Variants in CARM1 observed in about 807,000 individuals in gnomAD.
CARM1 encodes histone-arginine methyltransferase CARM1.
A neutral mutation model predicts 72.7 loss-of-function variants in CARM1; 14 were observed. The observed-to-expected ratio is 0.19, with a 90% CI of 0.13 to 0.30. CARM1 has a LOEUF of 0.30. Ranked by LOEUF, CARM1 falls within the 10% of genes least tolerant of loss-of-function variation. The pLI is 1.00. For synonymous variants in CARM1, 333 were observed against 345.5 expected (o/e 0.96, Z 0.40); for missense variants, 432 against 833.7 (o/e 0.52, Z 5.93).
intron 1 of CARM1, among the ~76,000 whole-genome samples, chr19:10,875,015 C>A (rs1453723927): frequency 1.3e-5 from 2 of 150,224 alleles, no homozygotes; most frequent in African/African-American, 2.5e-5. Flanking sequence ...CAGAGCAAGA[C>A]CCTGTCTGAA....
chr19:10,873,391 C>G (rs974167876), intron 1 of CARM1, among the ~76,000 whole-genome samples: 6 of 151,632 alleles, frequency 4.0e-5, no homozygotes. Flanking sequence ...GTCAGGAGTT[C>G]GAGACCAGCC....
chr19:10,886,604 G>A (rs1455864228), intron 1 of CARM1, among the ~76,000 whole-genome samples: 1 of 151,886 alleles, frequency 6.6e-6, no homozygotes, highest in Non-Finnish European at 1.5e-5. Context: ...GAGGCAGGTG[G>A]ATCACAAGGT....
intron 1 of CARM1, among the ~76,000 whole-genome samples, chr19:10,886,137 A>G (rs771141044): frequency 6.7e-6 from 1 of 149,736 alleles, no homozygotes; most frequent in Non-Finnish European, 1.5e-5. Flanking sequence ...GCTCACCACA[A>G]CCTCCACCTC....
At chr19:10,917,280 A>AT (rs1466139349) in intron 8 of CARM1, among the ~76,000 whole-genome samples, 1 of 152,000 alleles carries the variant, frequency 6.6e-6, no homozygotes, top group African/African-American at 2.4e-5. Flanking sequence ...AGGTTAGGAG[A>AT]TTGAGACCAA....
Position 10,912,087 on chromosome 19 carries a change from C to A in CARM1, c.559-97C>A. On this transcript the variant is annotated intron_variant, in intron 4 of 15. Coordinates refer to ENST00000327064, the MANE Select transcript of CARM1 (RefSeq NM_199141.2). This position sits in a 1 kb window ranked among gnomAD's most constrained non-coding sequence, Gnocchi z 4.5. ...AAAGGGCAAACATTGAGAGTGAAGA[C>A]AGACGCCTCATGATGTGCACATCCC... The A allele has an allele frequency of 1.1e-6, 1 of 886,294 alleles. No individual in the cohort carries two copies. Among genetic ancestry groups the A allele is most frequent in the Non-Finnish European group, 1.9e-6 (1 of 518,568 alleles). 54.9% of individuals were successfully genotyped at this position (886,294 alleles called of 1,614,324 possible). A position where few individuals can be genotyped will look rare whatever the true frequency, so the allele number is the denominator to read the frequency against.
intron 3 of CARM1, among the ~76,000 whole-genome samples, 155 bp from the exon 4 acceptor site, chr19:10,908,948 C>T (rs1376907327): frequency 3.3e-5 from 5 of 152,194 alleles, no homozygotes; most frequent in Admixed American, 3.3e-4. Flanking sequence ...TGCTCCCTCT[C>T]CTGGAGCTGC....
In CARM1 at chr19:10,920,974, C is replaced by G; in HGVS notation, c.1537+28C>G. ...GAGCAGGGCCCACCCCAATGCCCAG[C>G]CAACCCGGGAGGCCGCCCTCGCCGC... On this transcript the variant is annotated intron_variant, in intron 13 of 15. Coordinates refer to ENST00000327064, the MANE Select transcript of CARM1 (RefSeq NM_199141.2). The surrounding 1 kb of genome is among the most constrained non-coding windows in gnomAD (Gnocchi z 5.3). 6.2e-7 allele frequency: 1 copy of G among 1,613,034 alleles called. No individual in the cohort carries two copies. Among genetic ancestry groups the G allele is most frequent in the African/African-American group, 1.3e-5 (1 of 75,058 alleles).
chr19:10,906,744 C>T (rs1258276580), intron 2 of CARM1, among the ~76,000 whole-genome samples: 2 of 152,006 alleles, frequency 1.3e-5, no homozygotes, highest in Admixed American at 6.6e-5. Context: ...GGATTACATG[C>T]GTGAGCAACC....
chr19:10,889,608 C>T (rs891394732), intron 1 of CARM1, among the ~76,000 whole-genome samples: 2 of 151,586 alleles, frequency 1.3e-5, no homozygotes, highest in Non-Finnish European at 2.9e-5. Flanking sequence ...GGATTACAGG[C>T]GTGAGCTACC....
chr19:10,874,910 G>T (rs1210817575), intron 1 of CARM1, among the ~76,000 whole-genome samples: 1 of 152,012 alleles, frequency 6.6e-6, no homozygotes, highest in African/African-American at 2.4e-5. Context: ...TGTAGTCCCA[G>T]CTACTCCGGA....
intron 1 of CARM1, among the ~76,000 whole-genome samples, chr19:10,895,008 G>A (rs896380170): frequency 6.6e-6 from 1 of 152,108 alleles, no homozygotes; most frequent in Non-Finnish European, 1.5e-5. Context: ...GCTTTCCAAA[G>A]TGTTAGGATT....
At chr19:10,901,732 A>G (rs750583271) in intron 1 of CARM1, among the ~76,000 whole-genome samples, 7 of 152,186 alleles carry the variant, frequency 4.6e-5, no homozygotes, top group Admixed American at 6.5e-5. Context: ...ACACGAGGCT[A>G]GGACTTCAAA....
chr19:10,911,771 C>T (rs575205913), intron 4 of CARM1, among the ~76,000 whole-genome samples: 1 of 152,326 alleles, frequency 6.6e-6, no homozygotes, highest in South Asian at 2.1e-4. Context: ...CTCACCTGCC[C>T]CAGCCAAGAC....
chr19:10,897,488 C>G (rs1005506602), intron 1 of CARM1, among the ~76,000 whole-genome samples: 38 of 152,162 alleles, frequency 2.5e-4, no homozygotes, highest in African/African-American at 5.3e-4. Context: ...TTTTCTACCC[C>G]CTTCCCTGCA....
Position 10,904,861 on chromosome 19 carries a change from G to A in CARM1, c.221-90G>A, listed in dbSNP as rs1599701508. The A allele has an allele frequency of 3.3e-6, 5 of 1,534,742 alleles. No homozygotes were observed. In the East Asian group the frequency reaches 1.1e-4, roughly 35 times the overall value. The stretch of plus-strand genomic sequence containing the variant: ...CTGGAAGAATCTGGGGGCACCAAGG[G>A]GAGGCAGCAGGAGGGCGACAGGGAC... On this transcript the variant is annotated intron_variant, in intron 1 of 15. Transcript: ENST00000327064.
Position 10,908,097 on chromosome 19 carries a change from T to G in CARM1, c.405T>G (p.Ser135=). The G allele has an allele frequency of 6.2e-7, 1 of 1,614,088 alleles. No homozygotes were observed. Among genetic ancestry groups the G allele is most frequent in the Non-Finnish European group, 8.5e-7 (1 of 1,179,984 alleles). The change falls in exon 3 of 16, where the codon TCT becomes TCG. Residue 135 remains serine, a synonymous_variant. Transcript: ENST00000327064. Reference sequence around the variant, plus strand: ...GCCGGGGCCACACCCTGGAGCGGTCTGTGTTCAGCGAGCGGACGGAGGAGT... The same window carrying G: ...GCCGGGGCCACACCCTGGAGCGGTCGGTGTTCAGCGAGCGGACGGAGGAGT... ...KTCRGHTLER[S]VFSERTEESS...
intron 1 of CARM1, among the ~76,000 whole-genome samples, chr19:10,881,893 A>C (rs1172585608): frequency 6.6e-6 from 1 of 152,096 alleles, no homozygotes; most frequent in East Asian, 1.9e-4. Flanking sequence ...AGATAAACAC[A>C]AGGTCCCACA....
At chr19:10,890,793 ATATTTT>A (rs1451553695) in intron 1 of CARM1, among the ~76,000 whole-genome samples, 1 of 83,812 alleles carries the variant, frequency 1.2e-5, no homozygotes, top group Non-Finnish European at 2.1e-5. Context: ...ATATATATAT[ATATTTT>A]TTTTTTTTTT....
chr19:10,893,885 G>T (rs1017912274), intron 1 of CARM1, among the ~76,000 whole-genome samples: 1 of 152,186 alleles, frequency 6.6e-6, no homozygotes, highest in Non-Finnish European at 1.5e-5. Flanking sequence ...AGTGGGTTCG[G>T]CCCTGAACCC....
Sources: gnomAD v4.1 joint callset for allele counts (sites outside exome capture counted in the v4.1 genomes callset) on GRCh38, gnomAD v4.1.1 for gene constraint, Gnocchi (gnomAD v3.1) non-coding constraint, MANE v1.5 for transcripts, NCBI Gene and HGNC (gene_info 2026-07-23, HGNC 2026-07-21) for gene names.